Variants in PLSCR5 observed in about 807,000 individuals in gnomAD.
PLSCR5 encodes phospholipid scramblase family, member 5.
In PLSCR5, 44 loss-of-function variants were observed where a neutral mutation model predicts 33.6. That is an observed-to-expected ratio of 1.31 (90% CI 1.03 to 1.69). The LOEUF (loss-of-function observed/expected upper bound fraction) is 1.69, where lower values mean the gene tolerates loss of function less well. Among genes scored for constraint, PLSCR5 ranks in the 40% most tolerant of loss-of-function variants. PLSCR5 has a pLI of 0.00. For missense variants in PLSCR5, 375 were observed against 318.7 expected (o/e 1.18, Z -1.34); for synonymous variants, 148 against 112.3 (o/e 1.32, Z -2.01).
intron 7 of PLSCR5, among the ~76,000 whole-genome samples, chr3:146,577,705 C>G (rs750268615): frequency 2.0e-5 from 3 of 152,022 alleles, no homozygotes; most frequent in African/African-American, 4.8e-5. Flanking sequence ...TATAGTGTTT[C>G]TCAGTTTATT....
In PLSCR5 at chr3:146,580,454, CTTTTTTTTTTTT is replaced by C. The variant is rs1170556618; in HGVS notation, c.*45-3741_*45-3730del. On this transcript the variant is annotated intron_variant, in intron 7 of 7. Coordinates refer to the PLSCR5 transcript ENST00000482567. ...TCTTGACTCAGAGCCTTTGAATTTG[CTTTTTTTTTTTT>C]TTTTTTTTTTTTTTTTGAGACGGAG... 3.5e-4 allele frequency among the ~76,000 whole-genome samples: 21 copies of C among 60,554 alleles called. 1 individual carries two copies. In the South Asian group the frequency reaches 7.7e-3, roughly 22 times the overall value. The allele number at this position is 60,554 out of a possible 152,430, so 39.7% of individuals were successfully genotyped here.
intron 5 of PLSCR5, chr3:146,590,423 A>C (rs1230431840): frequency 6.6e-6 from 1 of 152,076 alleles, no homozygotes; most frequent in Non-Finnish European, 1.5e-5. Flanking sequence ...ACATTAAAAA[A>C]ATCCTCCTGG....
Position 146,593,906 on chromosome 3 carries a change from A to C in PLSCR5, c.453+14T>G. ...CTTAAAAATCAAAAAGGACAACCAGAGCCAGTAACTAACCTCTTGTAGGTA... is the reference window on the plus strand; with the variant it reads ...CTTAAAAATCAAAAAGGACAACCAGCGCCAGTAACTAACCTCTTGTAGGTA... On this transcript the variant is annotated intron_variant, in intron 4 of 7. Transcript: ENST00000443512. 1 of 1,605,342 alleles carries C rather than the reference A, an allele frequency of 6.2e-7. No homozygotes were observed. Among genetic ancestry groups the C allele is most frequent in the Non-Finnish European group, 8.5e-7 (1 of 1,172,352 alleles).
chr3:146,603,221 T>C (rs62275403), intron 1 of PLSCR5, among the ~76,000 whole-genome samples: 10,311 of 152,178 alleles, frequency 0.068, 455 homozygotes, highest in Non-Finnish European at 0.1. Context: ...CCTGGGAAAA[T>C]GCTAATTGCC....
chr3:146,586,052 AT>A lies in PLSCR5; in HGVS notation c.*21del. 6.8e-7 allele frequency: 1 copy of A among 1,473,890 alleles called. No homozygotes were observed. Among genetic ancestry groups the A allele is most frequent in the Non-Finnish European group, 9.0e-7 (1 of 1,109,030 alleles). The allele number at this position is 1,473,890 out of a possible 1,614,324, so 91.3% of individuals were successfully genotyped here. A position where few individuals can be genotyped will look rare whatever the true frequency, so the allele number is the denominator to read the frequency against. ...TACTGAAATATGTTCTGCATATTTT[AT>A]TGTTTTCATTATCTTGGTTATTATA... On this transcript the variant is annotated 3_prime_UTR_variant, in exon 7 of 8. Coordinates refer to ENST00000443512, the MANE Select transcript of PLSCR5 (RefSeq NM_001085420.2).
chr3:146,589,807 G>T lies in PLSCR5; in HGVS notation c.623C>A (p.Thr208Asn). The T allele has an allele frequency of 2.6e-6, 4 of 1,530,918 alleles. No individual in the cohort carries two copies. Among genetic ancestry groups the T allele is most frequent in the Non-Finnish European group, 3.6e-6 (4 of 1,123,104 alleles). 94.8% of individuals were successfully genotyped at this position (1,530,918 alleles called of 1,614,324 possible). The change falls in exon 6 of 8, where the codon ACC becomes AAC. Residue 208 changes from threonine (T) to asparagine (N), a missense_variant. Transcript: ENST00000443512. ...CCCAATTGTAAGCTTTTCATTAATG[G>T]TTTTCACCTTTAGAAAGAAAATAAG... is the stretch of plus-strand genomic sequence containing the variant. Reference protein sequence around the residue: ...CFGDVDFEVKTINEKLTIGKI... With the variant: ...CFGDVDFEVKNINEKLTIGKI...
At chr3:146,591,924 T>C (rs1375589652) in intron 4 of PLSCR5, 43 bp from the exon 5 acceptor site, 7 of 1,466,192 alleles carry the variant, frequency 4.8e-6, no homozygotes, top group Non-Finnish European at 6.4e-6. Flanking sequence ...TCTTAGGTTA[T>C]CATATTTTAA....
intron 1 of PLSCR5, among the ~76,000 whole-genome samples, chr3:146,601,399 G>A (rs2044814442): frequency 6.6e-6 from 1 of 151,418 alleles, no homozygotes; most frequent in Non-Finnish European, 1.5e-5. Flanking sequence ...TACTTCTCAT[G>A]TTTAGTAATC....
intron 1 of PLSCR5, among the ~76,000 whole-genome samples, chr3:146,601,785 C>T (rs1470785591): frequency 6.6e-6 from 1 of 152,032 alleles, no homozygotes; most frequent in Non-Finnish European, 1.5e-5. Flanking sequence ...GAAGAAACAT[C>T]TTTATCTTTT....
At chr3:146,592,876 G>A (rs1399476523) in intron 4 of PLSCR5, among the ~76,000 whole-genome samples, 1 of 152,068 alleles carries the variant, frequency 6.6e-6, no homozygotes, top group East Asian at 1.9e-4. Context: ...TGATCATAAT[G>A]ACTACACTCT....
At chr3:146,602,516 T>A (rs79440877) in intron 1 of PLSCR5, among the ~76,000 whole-genome samples, 2,650 of 152,086 alleles carry the variant, frequency 0.017, 35 homozygotes, top group Middle Eastern at 0.031. Flanking sequence ...TCTAGAAATG[T>A]CTATATCTTG....
Position 146,593,919 on chromosome 3 carries a change from C to A in PLSCR5, c.453+1G>T. On this transcript the variant is annotated splice_donor_variant, in intron 4 of 7. Coordinates refer to ENST00000443512, the MANE Select transcript of PLSCR5 (RefSeq NM_001085420.2). LOFTEE classifies it high-confidence loss of function. ...AAGGACAACCAGAGCCAGTAACTAA[C>A]CTCTTGTAGGTAGCAAGGGCACCAG... 6.2e-7 allele frequency: 1 copy of A among 1,612,012 alleles called. No homozygotes were observed. The highest frequency in any genetic ancestry group is 2.2e-5 in the East Asian group (1 of 44,826).
At chr3:146,594,908 AC>A in intron 3 of PLSCR5, 132 bp downstream of exon 3, 1 of 434,928 alleles carries the variant, frequency 2.3e-6, no homozygotes, top group East Asian at 4.0e-5. Context: ...AAGACCTAGT[AC>A]TCTTTTTGAT....
In PLSCR5 at chr3:146,605,290, A is replaced by G; in HGVS notation, c.-78T>C. 2.5e-6 allele frequency: 4 copies of G among 1,604,412 alleles called. No individual in the cohort carries two copies. The South Asian group carries it at 3.3e-5, about 13-fold the overall frequency. ...TTTCTTGTTGCAGCAAGGAGAGAAA[A>G]CGCAGCATGCACAAAACTTCAGAAC... On this transcript the variant is annotated 5_prime_UTR_variant, in exon 1 of 8. Coordinates refer to ENST00000443512, the MANE Select transcript of PLSCR5 (RefSeq NM_001085420.2).
At chr3:146,585,549 C>T (rs936301556), downstream of PLSCR5, among the ~76,000 whole-genome samples, 2 of 151,982 alleles carry the variant, frequency 1.3e-5, no homozygotes, top group South Asian at 4.2e-4. Context: ...TATCTCACTA[C>T]AATAAGAAAA....
In PLSCR5 at chr3:146,586,067, T is replaced by A. The variant is rs1388429636; in HGVS notation, c.*7A>T. On this transcript the variant is annotated 3_prime_UTR_variant, in exon 7 of 8. Coordinates refer to ENST00000443512, the MANE Select transcript of PLSCR5 (RefSeq NM_001085420.2). ...TGCATATTTTATTGTTTTCATTATC[T>A]TGGTTATTATAATCCAGCCAGTGAA... is the stretch of plus-strand genomic sequence containing the variant. The A allele has an allele frequency of 6.7e-7, 1 of 1,482,638 alleles. No homozygotes were observed. Among genetic ancestry groups the A allele is most frequent in the Admixed American group, 2.6e-5 (1 of 38,126 alleles). 91.8% of individuals were successfully genotyped at this position (1,482,638 alleles called of 1,614,324 possible). A position where few individuals can be genotyped will look rare whatever the true frequency, so the allele number is the denominator to read the frequency against.
At chr3:146,581,628 A>G (rs2044633133), downstream of PLSCR5, among the ~76,000 whole-genome samples, 1 of 152,208 alleles carries the variant, frequency 6.6e-6, no homozygotes. Context: ...TTCAAGAGTG[A>G]CTATAGTTAA....
At chr3:146,594,226 T>C (rs1343621420) in intron 3 of PLSCR5, 86 bp from the exon 4 acceptor site, 2 of 927,190 alleles carry the variant, frequency 2.2e-6, no homozygotes, top group Admixed American at 4.6e-5. Flanking sequence ...ATTAAAAGAA[T>C]ACAGTGTCTG....
At chr3:146,599,674 CTTTTCT>C (rs1188592259) in intron 2 of PLSCR5, among the ~76,000 whole-genome samples, 2 of 116,552 alleles carry the variant, frequency 1.7e-5, no homozygotes, top group Non-Finnish European at 3.5e-5. Context: ...AATTTCTTTT[CTTTTCT>C]TTTTTTTTTT....
Sources: allele counts gnomAD v4.1 joint callset (sites outside exome capture counted in the v4.1 genomes callset), GRCh38; gene constraint gnomAD v4.1.1; transcripts MANE v1.5; gene names NCBI Gene and HGNC (gene_info 2026-07-23, HGNC 2026-07-21).